PSD3: variants seen among roughly 807,000 people sequenced by gnomAD.
PSD3 encodes PH and SEC7 domain-containing protein 3.
A neutral mutation model predicts 105.5 loss-of-function variants in PSD3; 49 were observed. That is an observed-to-expected ratio of 0.46 (90% CI 0.37 to 0.59). PSD3 has a LOEUF of 0.59. PSD3 is among the 20% of genes least tolerant of loss of function. The pLI, the probability that PSD3 is intolerant of heterozygous loss-of-function variation, is 0.00. For missense variants in PSD3, 1,561 were observed against 1,263.8 expected (o/e 1.24, Z -3.57); for synonymous variants, 557 against 457.8 (o/e 1.22, Z -2.77).
At chr8:18,817,825 A>G (rs904683272) in intron 4 of PSD3, among the ~76,000 whole-genome samples, 2 of 152,242 alleles carry the variant, frequency 1.3e-5, no homozygotes, top group African/African-American at 4.8e-5. Context: ...GAGCAACGTG[A>G]AAAAGTGGCA....
Position 18,632,928 on chromosome 8 carries a change from C to T in PSD3, c.2217-122G>A, listed in dbSNP as rs921677749. On this transcript the variant is annotated intron_variant, in intron 10 of 15. Coordinates refer to ENST00000327040, the MANE Select transcript of PSD3 (RefSeq NM_015310.4). ...GTGTATCACTTTTTATAACCACCAC[C>T]ATGATAATGACAGACACCATTTGTT... The T allele has an allele frequency of 4.1e-6, 3 of 738,860 alleles. No individual in the cohort carries two copies. In the African/African-American group the frequency reaches 5.4e-5, roughly 13 times the overall value. The allele number at this position is 738,860 out of a possible 1,614,324, so 45.8% of individuals were successfully genotyped here.
In PSD3 at chr8:18,532,974, G is replaced by A. The variant is rs1050058308; in HGVS notation, c.*2769C>T. 6.6e-6 allele frequency: 1 copy of A among 152,328 alleles called. No homozygotes were observed. Among genetic ancestry groups the A allele is most frequent in the Non-Finnish European group, 1.5e-5 (1 of 68,106 alleles). The allele number at this position is 152,328 out of a possible 1,614,324, so 9.4% of individuals were successfully genotyped here. ...AGTCCCAAGGCTCCTGGGCGCTGAG[G>A]TGGGCGACGGAGGTGGGTGGCGTAC... On this transcript the variant is annotated 3_prime_UTR_variant, in exon 16 of 16. Coordinates refer to ENST00000327040, the MANE Select transcript of PSD3 (RefSeq NM_015310.4).
chr8:19,009,578 G>A lies in PSD3; in HGVS notation c.21+3985C>T, dbSNP rs541483857. On this transcript the variant is annotated intron_variant, in intron 1 of 15. Transcript: ENST00000327040. Reference sequence around the variant, plus strand: ...GCCCCATGCCAGGAAAATATCACTCGAAATAAGCGTTTTCCAAAAGTTAGG... The same window carrying A: ...GCCCCATGCCAGGAAAATATCACTCAAAATAAGCGTTTTCCAAAAGTTAGG... 4.2e-4 allele frequency among the ~76,000 whole-genome samples: 64 copies of A among 152,232 alleles called. No homozygotes were observed. The South Asian group carries it at 0.012, about 29-fold the overall frequency.
intron 1 of PSD3, among the ~76,000 whole-genome samples, chr8:19,042,330 G>T (rs1027300266): frequency 1.3e-5 from 2 of 152,094 alleles, no homozygotes; most frequent in African/African-American, 4.8e-5. Flanking sequence ...GTGAAATGTG[G>T]GGTGATGGCT....
At chr8:18,991,002 C>G (rs1825760254) in intron 1 of PSD3, among the ~76,000 whole-genome samples, 1 of 152,136 alleles carries the variant, frequency 6.6e-6, no homozygotes, top group Admixed American at 6.5e-5. Context: ...ATCAGCTCAG[C>G]TAGCTGATAC....
rs1809535411 is a variant in PSD3, at chr8:18,789,898, G to A, written c.2082+9397C>T. On this transcript the variant is annotated intron_variant, in intron 8 of 15. Transcript: ENST00000327040. ...CTTGATCACGTTCTATAACAGAACT[G>A]TGCCAATGTAAAAAGCTTACAGTGA... Among the ~76,000 whole-genome samples, 5 of 152,148 alleles carry A rather than the reference G, an allele frequency of 3.3e-5. 1 individual carries two copies. The South Asian group carries it at 1.0e-3, about 32-fold the overall frequency.
intron 10 of PSD3, among the ~76,000 whole-genome samples, chr8:18,646,204 T>A (rs1040212829): frequency 6.6e-6 from 1 of 152,126 alleles, no homozygotes; most frequent in Non-Finnish European, 1.5e-5. Context: ...AAGTTTAAAA[T>A]GAAAATTACT....
chr8:18,682,946 A>G (rs962835423), intron 9 of PSD3, among the ~76,000 whole-genome samples: 2 of 152,052 alleles, frequency 1.3e-5, no homozygotes, highest in African/African-American at 4.8e-5. Flanking sequence ...CTCCGTTATA[A>G]TCATCTCCAT....
In PSD3 at chr8:18,871,823, T is replaced by G; in HGVS notation, c.1041A>C (p.Ser347=). 1.9e-6 allele frequency: 3 copies of G among 1,614,174 alleles called. No individual in the cohort carries two copies. Among genetic ancestry groups the G allele is most frequent in the Non-Finnish European group, 2.5e-6 (3 of 1,180,028 alleles). ...SSKVPRHLIS[S]AGLCNSSSLT... ...AACTACTTGAATTACACAAACCAGCTGATGAGATGAGATGGCGTGGCACTT... is the reference window on the plus strand; with the variant it reads ...AACTACTTGAATTACACAAACCAGCGGATGAGATGAGATGGCGTGGCACTT... The change falls in exon 3 of 16, where the codon TCA becomes TCC. Residue 347 remains serine (S), a synonymous_variant. Coordinates refer to ENST00000327040, the MANE Select transcript of PSD3 (RefSeq NM_015310.4).
intron 8 of PSD3, among the ~76,000 whole-genome samples, chr8:18,786,443 A>T (rs1303592225): frequency 6.6e-6 from 1 of 152,224 alleles, no homozygotes; most frequent in Non-Finnish European, 1.5e-5. Context: ...ATCATACCTC[A>T]TCCTAAATTC....
At chr8:18,958,231 T>C (rs1371261565) in intron 1 of PSD3, among the ~76,000 whole-genome samples, 2 of 152,206 alleles carry the variant, frequency 1.3e-5, no homozygotes, top group East Asian at 1.9e-4. Context: ...TATATAATAA[T>C]GTATGCATAT....
At chr8:18,731,394 T>G (rs1051031478) in intron 9 of PSD3, among the ~76,000 whole-genome samples, 1 of 152,200 alleles carries the variant, frequency 6.6e-6, no homozygotes, top group East Asian at 1.9e-4. Context: ...GAAAGTGACA[T>G]TGGAAGATTC....
At chr8:18,981,086 C>A (rs1428634503) in intron 1 of PSD3, among the ~76,000 whole-genome samples, 1 of 152,180 alleles carries the variant, frequency 6.6e-6, no homozygotes, top group African/African-American at 2.4e-5. Context: ...TTTGTTATGT[C>A]TGTCTTCCCT....
intron 4 of PSD3, among the ~76,000 whole-genome samples, chr8:18,821,057 C>T (rs1042822538): frequency 3.3e-5 from 5 of 152,114 alleles, no homozygotes; most frequent in East Asian, 1.9e-4. Context: ...CCCAGCCTAA[C>T]GTTTAATGTT....
At position 18,600,901 on chromosome 8, in the gene PSD3, C is replaced by T. The variant is rs75850268; in HGVS notation, c.2411-467G>A. Among the ~76,000 whole-genome samples, 1,099 of 152,292 alleles carry T rather than the reference C, an allele frequency of 7.2e-3. 12 individuals carry two copies. Among genetic ancestry groups the T allele is most frequent in the East Asian group, 0.056 (290 of 5,180 alleles). On this transcript the variant is annotated intron_variant, in intron 11 of 15. Transcript: ENST00000327040. ...GTAGTCTCAGAATATGAAAGGACCA[C>T]TTTTGGCATTTCTCCCATACCCCCC... is the stretch of plus-strand genomic sequence containing the variant.
chr8:18,916,339 T>TAC (rs1820596270), intron 2 of PSD3, among the ~76,000 whole-genome samples: 10 of 45,458 alleles, frequency 2.2e-4, no homozygotes, highest in Admixed American at 2.0e-3. Context: ...TATATATATA[T>TAC]ATATATATAT....
chr8:18,728,356 C>CA (rs1041965096), intron 9 of PSD3, among the ~76,000 whole-genome samples: 5 of 152,166 alleles, frequency 3.3e-5, no homozygotes, highest in African/African-American at 1.2e-4. Flanking sequence ...TCAACAAAGT[C>CA]AATTAAAAAC....
At position 18,867,712 on chromosome 8, in the gene PSD3, G is replaced by C. The variant is rs763471484; in HGVS notation, c.1596C>G (p.Ile532Met). ...TNGLNDASDS[I>M]YTKGTPEIAF... is the part of the protein sequence containing the mutation. ...CAATCTCCGGGGTGCCTTTCGTGTA[G>C]ATGGAGTCGCTGGCATCATTCAGCC... The change falls in exon 4 of 16, where the codon ATC becomes ATG. Residue 532 changes from isoleucine (I) to methionine (M), a missense_variant. Transcript: ENST00000327040. 3 of 1,614,004 alleles carry C rather than the reference G, an allele frequency of 1.9e-6. No individual in the cohort carries two copies. The highest frequency in any genetic ancestry group is 1.7e-4 in the Middle Eastern group (1 of 6,058).
intron 1 of PSD3, among the ~76,000 whole-genome samples, chr8:18,987,200 A>G (rs1825545459): frequency 6.6e-6 from 1 of 152,104 alleles, no homozygotes; most frequent in African/African-American, 2.4e-5. Flanking sequence ...TTAGAAGAAA[A>G]TTTTTTGAGG....
Sources: gnomAD v4.1 joint callset for allele counts (sites outside exome capture counted in the v4.1 genomes callset) on GRCh38, gnomAD v4.1.1 for gene constraint, MANE v1.5 for transcripts, NCBI Gene and HGNC (gene_info 2026-07-23, HGNC 2026-07-21) for gene names.